TSHZ2: variants seen among roughly 807,000 people sequenced by gnomAD.
TSHZ2 encodes teashirt zinc finger homeobox 2.
Under a neutral mutation model 74.4 loss-of-function variants are expected in TSHZ2, and 21 were observed. That is an observed-to-expected ratio of 0.28 (90% CI 0.20 to 0.41). TSHZ2 has a LOEUF of 0.41. Among genes scored for constraint, TSHZ2 ranks in the 10% least tolerant of loss-of-function variants. The pLI, the probability that TSHZ2 is intolerant of heterozygous loss-of-function variation, is 1.00. For synonymous variants in TSHZ2, 540 were observed against 515.3 expected, an observed-to-expected ratio of 1.05 and a Z score of -0.65; for missense variants, 1,244 against 1,293.5, an observed-to-expected ratio of 0.96 and a Z score of 0.59.
chr20:53,195,116 T>C (rs1355711056), intron 1 of TSHZ2, among the ~76,000 whole-genome samples: 1 of 152,180 alleles, frequency 6.6e-6, no homozygotes, highest in Non-Finnish European at 1.5e-5. Flanking sequence ...AGATCTCCCC[T>C]TCTGGCTGAT....
At chr20:53,444,737 G>A (rs1984485796) in intron 2 of TSHZ2, among the ~76,000 whole-genome samples, 1 of 152,200 alleles carries the variant, frequency 6.6e-6, no homozygotes, top group African/African-American at 2.4e-5. Context: ...CCTTTGGTGT[G>A]TAAATCACAA....
At chr20:53,469,104 G>A (rs1985672446) in intron 2 of TSHZ2, among the ~76,000 whole-genome samples, 1 of 115,006 alleles carries the variant, frequency 8.7e-6, no homozygotes, top group Non-Finnish European at 1.8e-5. Context: ...CTAATTGAAT[G>A]TTAGAATATT....
chr20:53,158,775 C>T (rs1987857106), intron 1 of TSHZ2, among the ~76,000 whole-genome samples: 1 of 152,174 alleles, frequency 6.6e-6, no homozygotes, highest in Non-Finnish European at 1.5e-5. Flanking sequence ...TCCTTCATCA[C>T]CACCGCCTGT....
intron 2 of TSHZ2, among the ~76,000 whole-genome samples, chr20:53,378,420 G>A: frequency 6.6e-6 from 1 of 150,968 alleles, no homozygotes; most frequent in African/African-American, 2.4e-5. Context: ...ACTAGCCAAG[G>A]AAAATGTCAT....
At chr20:53,050,994 C>A (rs1984437581) in intron 1 of TSHZ2, among the ~76,000 whole-genome samples, 2 of 152,176 alleles carry the variant, frequency 1.3e-5, no homozygotes, top group Admixed American at 6.5e-5. Flanking sequence ...TTGCAGATCT[C>A]CAAGTGGGAA....
intron 1 of TSHZ2, among the ~76,000 whole-genome samples, chr20:53,014,139 A>C (rs943289621): frequency 1.3e-5 from 2 of 152,056 alleles, no homozygotes; most frequent in Non-Finnish European, 2.9e-5. Flanking sequence ...AGCATTGTCA[A>C]GTTTCTGGTA....
chr20:53,107,730 C>T (rs1171170248), intron 1 of TSHZ2, among the ~76,000 whole-genome samples: 1 of 152,056 alleles, frequency 6.6e-6, no homozygotes, highest in Non-Finnish European at 1.5e-5. Context: ...GGTGGGAGAC[C>T]GTATCTTCAT....
At chr20:53,123,729 A>C (rs779598895) in intron 1 of TSHZ2, among the ~76,000 whole-genome samples, 3 of 152,152 alleles carry the variant, frequency 2.0e-5, no homozygotes, top group Non-Finnish European at 4.4e-5. Flanking sequence ...ACTGGGGCCC[A>C]TAAAACAAGC....
At chr20:53,218,644 T>C (rs1468366846) in intron 1 of TSHZ2, among the ~76,000 whole-genome samples, 3 of 152,202 alleles carry the variant, frequency 2.0e-5, no homozygotes, top group Non-Finnish European at 4.4e-5. Flanking sequence ...CTCTTTCTAT[T>C]GTCTCCCTGA....
chr20:53,134,461 T>C (rs1449099976), intron 1 of TSHZ2, among the ~76,000 whole-genome samples: 2 of 152,198 alleles, frequency 1.3e-5, no homozygotes, highest in Non-Finnish European at 2.9e-5. Flanking sequence ...AATATAAATT[T>C]TCTCATCATT....
In TSHZ2 at chr20:53,062,038, C is replaced by T. The variant is rs528464785; in HGVS notation, c.40+88705C>T. On this transcript the variant is annotated intron_variant, in intron 1 of 2. Coordinates refer to ENST00000371497, the MANE Select transcript of TSHZ2 (RefSeq NM_173485.6). ...AAGGCTTTCTTTAAAAAAAGTAGGC[C>T]ATATATCTTCCAAGAAATCTCTATG... Among the ~76,000 whole-genome samples, 6 of 152,224 alleles carry T rather than the reference C, an allele frequency of 3.9e-5. No individual in the cohort carries two copies. The East Asian group carries it at 9.6e-4, about 24-fold the overall frequency.
At chr20:53,334,236 G>A (rs1282739409) in intron 2 of TSHZ2, among the ~76,000 whole-genome samples, 1 of 152,066 alleles carries the variant, frequency 6.6e-6, no homozygotes, top group Non-Finnish European at 1.5e-5. Context: ...AATAAAGAGA[G>A]AAAAAAACAA....
chr20:53,161,994 C>T (rs1987951911), intron 1 of TSHZ2, among the ~76,000 whole-genome samples: 1 of 152,118 alleles, frequency 6.6e-6, no homozygotes. Context: ...GGAGGAAAAG[C>T]AACTTGTTTG....
At chr20:53,462,353 T>G (rs1985405142) in intron 2 of TSHZ2, among the ~76,000 whole-genome samples, 1 of 152,224 alleles carries the variant, frequency 6.6e-6, no homozygotes, top group African/African-American at 2.4e-5. Context: ...ATTACTTCTT[T>G]AAAGATTCTG....
At chr20:53,328,749 A>C (rs1979596305) in intron 2 of TSHZ2, among the ~76,000 whole-genome samples, 1 of 152,200 alleles carries the variant, frequency 6.6e-6, no homozygotes, top group Non-Finnish European at 1.5e-5. Context: ...AATTTTTATC[A>C]TTAAGATATT....
intron 2 of TSHZ2, among the ~76,000 whole-genome samples, chr20:53,387,446 A>T (rs1982089176): frequency 6.6e-6 from 1 of 152,202 alleles, no homozygotes; most frequent in South Asian, 2.1e-4. Context: ...TCACTAAAGT[A>T]AAGGCTCGGG....
chr20:53,412,683 C>T (rs1390478975), intron 2 of TSHZ2: 2 of 152,430 alleles, frequency 1.3e-5, no homozygotes, highest in Non-Finnish European at 2.9e-5. Context: ...AAGGGTCCAC[C>T]TTCAGCCCCT....
At chr20:53,290,972 T>C (rs964240295) in intron 2 of TSHZ2, among the ~76,000 whole-genome samples, 1 of 152,224 alleles carries the variant, frequency 6.6e-6, no homozygotes, top group African/African-American at 2.4e-5. Context: ...TGTTATGATC[T>C]ACAGAATCTG....
intron 1 of TSHZ2, among the ~76,000 whole-genome samples, chr20:53,204,614 A>T (rs1255245768): frequency 2.0e-5 from 3 of 152,080 alleles, no homozygotes; most frequent in Non-Finnish European, 4.4e-5. Flanking sequence ...GATCACTTGC[A>T]ACAAAAACAG....
Sources: allele counts gnomAD v4.1 joint callset (sites outside exome capture counted in the v4.1 genomes callset), GRCh38; gene constraint gnomAD v4.1.1; transcripts MANE v1.5; gene names NCBI Gene and HGNC (gene_info 2026-07-23, HGNC 2026-07-21).